KATNAL1: variants seen among roughly 807,000 people sequenced by gnomAD.
KATNAL1 encodes katanin catalytic subunit A1 like 1.
A neutral mutation model predicts 55.2 loss-of-function variants in KATNAL1; 32 were observed. The ratio of observed to expected loss-of-function variants is 0.58; its 90% CI spans 0.44 to 0.78. The LOEUF (loss-of-function observed/expected upper bound fraction) is 0.78. KATNAL1 is among the 30% of genes least tolerant of loss of function. The pLI, the probability that KATNAL1 is intolerant of heterozygous loss-of-function variation, is 0.00. For missense variants in KATNAL1, 466 were observed against 600.9 expected, an observed-to-expected ratio of 0.78 and a Z score of 2.35; for synonymous variants, 193 against 193.6, an observed-to-expected ratio of 1.00 and a Z score of 0.02.
Position 30,262,701 on chromosome 13 carries a change from A to T in KATNAL1, c.324-7086T>A, listed in dbSNP as rs1228091245. ...TTGAATCTCTGAATAGACCAATAAC[A>T]GGAGCTGAAATTGTGGCAATAATCA... On this transcript the variant is annotated intron_variant, in intron 3 of 10. Transcript: ENST00000380615. Among the ~76,000 whole-genome samples the T allele has an allele frequency of 1.3e-4, 20 of 152,046 alleles. No homozygotes were observed. In the East Asian group the frequency reaches 3.9e-3, roughly 29 times the overall value.
chr13:30,305,819 TC>T (rs34358727), intron 1 of KATNAL1, among the ~76,000 whole-genome samples: 34,942 of 152,194 alleles, frequency 0.23, 4,568 homozygotes, highest in Non-Finnish European at 0.3. Flanking sequence ...CTCTTTATTC[TC>T]ACCACCTGGC....
chr13:30,307,047 CG>C (rs1408667486), intron 1 of KATNAL1: 1 of 152,104 alleles, frequency 6.6e-6, no homozygotes, highest in Non-Finnish European at 1.5e-5. Context: ...CAAAGTTTAT[CG>C]GTCTTTCCCG....
At chr13:30,282,671 G>GAAAT (rs1881454004) in intron 2 of KATNAL1, among the ~76,000 whole-genome samples, 1 of 150,114 alleles carries the variant, frequency 6.7e-6, no homozygotes. Context: ...AAGAAAGAAA[G>GAAAT]AGGCCTGGCG....
chr13:30,299,890 T>C (rs568660003), intron 1 of KATNAL1, among the ~76,000 whole-genome samples: 1 of 152,170 alleles, frequency 6.6e-6, no homozygotes, highest in African/African-American at 2.4e-5. Flanking sequence ...AACTGTTTCA[T>C]GACTCAGATC....
At chr13:30,210,220 G>GTA in intron 10 of KATNAL1, 96 bp downstream of exon 10, 1 of 993,368 alleles carries the variant, frequency 1.0e-6, no homozygotes, top group Non-Finnish European at 1.4e-6. Flanking sequence ...CTGCTTTCAT[G>GTA]TCTAACTACA....
chr13:30,275,186 C>T (rs1880752013), intron 3 of KATNAL1, among the ~76,000 whole-genome samples: 1 of 152,162 alleles, frequency 6.6e-6, no homozygotes, highest in South Asian at 2.1e-4. Context: ...ACACCAACAT[C>T]TGCTTGGCTT....
At chr13:30,290,958 C>T (rs190201292) in intron 1 of KATNAL1, among the ~76,000 whole-genome samples, 324 of 152,112 alleles carry the variant, frequency 2.1e-3, no homozygotes, top group African/African-American at 7.6e-3. Flanking sequence ...TTTACTCAAC[C>T]GAGTAATGGA....
intron 1 of KATNAL1, among the ~76,000 whole-genome samples, chr13:30,288,374 G>C (rs928914851): frequency 9.2e-5 from 14 of 152,218 alleles, no homozygotes; most frequent in Admixed American, 3.3e-4. Context: ...AATTTCCTTG[G>C]CACTTACATC....
At chr13:30,296,608 A>G in intron 1 of KATNAL1, 1 of 717,778 alleles carries the variant, frequency 1.4e-6, no homozygotes, top group South Asian at 1.4e-5. Flanking sequence ...GAGGCTCTGC[A>G]GCTGGTCCAG....
At chr13:30,216,639 G>A (rs1874272746) in intron 9 of KATNAL1, among the ~76,000 whole-genome samples, 1 of 152,196 alleles carries the variant, frequency 6.6e-6, no homozygotes, top group Admixed American at 6.5e-5. Context: ...TGCTCGACAT[G>A]TGGTTTAGAG....
intron 3 of KATNAL1, among the ~76,000 whole-genome samples, chr13:30,269,350 C>T (rs2137499739): frequency 6.6e-6 from 1 of 152,370 alleles, no homozygotes; most frequent in African/African-American, 2.4e-5. Context: ...TCCCGAGGTG[C>T]CGGGATTGCA....
chr13:30,302,426 C>A (rs1882912633), intron 1 of KATNAL1, among the ~76,000 whole-genome samples: 1 of 148,022 alleles, frequency 6.8e-6, no homozygotes, highest in African/African-American at 2.4e-5. Flanking sequence ...TCCATACTCT[C>A]ACAGAAGTAG....
chr13:30,289,047 A>C (rs1297253804), intron 1 of KATNAL1, among the ~76,000 whole-genome samples: 1 of 152,238 alleles, frequency 6.6e-6, no homozygotes, highest in African/African-American at 2.4e-5. Flanking sequence ...CAGTTATAAC[A>C]CATCTTAGCA....
chr13:30,281,537 G>C (rs1333180595), intron 2 of KATNAL1, among the ~76,000 whole-genome samples: 1 of 152,178 alleles, frequency 6.6e-6, no homozygotes, highest in Non-Finnish European at 1.5e-5. Context: ...ATTTGAGCCT[G>C]AGTTGGAGCA....
chr13:30,276,836 C>T (rs1880881437), intron 3 of KATNAL1, among the ~76,000 whole-genome samples: 2 of 152,202 alleles, frequency 1.3e-5, no homozygotes, highest in African/African-American at 2.4e-5. Flanking sequence ...GGGTTCAAAT[C>T]CTGGCTCTGC....
intron 1 of KATNAL1, among the ~76,000 whole-genome samples, chr13:30,296,966 G>T (rs1003183467): frequency 8.6e-5 from 13 of 151,874 alleles, no homozygotes; most frequent in Admixed American, 8.5e-4. Flanking sequence ...AGGCCTAGAG[G>T]TGACCAATAA....
At chr13:30,269,402 G>A (rs1378414307) in intron 3 of KATNAL1, among the ~76,000 whole-genome samples, 3 of 152,240 alleles carry the variant, frequency 2.0e-5, no homozygotes, top group African/African-American at 7.2e-5. Context: ...TGCCCAGGCT[G>A]GAGTGCAGTG....
chr13:30,305,107 G>C (rs1378078872), intron 1 of KATNAL1, among the ~76,000 whole-genome samples: 1 of 151,910 alleles, frequency 6.6e-6, no homozygotes, highest in Non-Finnish European at 1.5e-5. Flanking sequence ...CTCTACACTG[G>C]GGCTGGAGTT....
At chr13:30,305,088 A>G (rs1019202607) in intron 1 of KATNAL1, among the ~76,000 whole-genome samples, 9 of 152,082 alleles carry the variant, frequency 5.9e-5, no homozygotes, top group African/African-American at 1.9e-4. Context: ...TTCCCCTCCC[A>G]GGTCCATTCT....
Sources: allele counts gnomAD v4.1 joint callset (sites outside exome capture counted in the v4.1 genomes callset), GRCh38; gene constraint gnomAD v4.1.1; transcripts MANE v1.5; gene names NCBI Gene and HGNC (gene_info 2026-07-23, HGNC 2026-07-21).